DHX30: variants seen among roughly 807,000 people sequenced by gnomAD.
The protein encoded by DHX30 is DExH-box helicase 30, also known as ATP-dependent RNA helicase DHX30.
A neutral mutation model predicts 116.9 loss-of-function variants in DHX30; 4 were observed. The observed-to-expected ratio is 0.03, with a 90% CI of 0.02 to 0.08. DHX30 has a LOEUF of 0.08. Ranked by LOEUF, DHX30 falls within the 10% of genes least tolerant of loss-of-function variation. DHX30 has a pLI of 1.00. For missense variants in DHX30, 871 were observed against 1,595.1 expected, an observed-to-expected ratio of 0.55 and a Z score of 7.73; for synonymous variants, 697 against 651.7, an observed-to-expected ratio of 1.07 and a Z score of -1.06.
intron 8 of DHX30, chr3:47,842,765 G>T: frequency 4.7e-6 from 1 of 213,564 alleles, no homozygotes. Flanking sequence ...TGCTCCCGCA[G>T]GATGTGCCTG....
chr3:47,811,213 C>G (rs1445994709), intron 3 of DHX30, among the ~76,000 whole-genome samples: 1 of 152,026 alleles, frequency 6.6e-6, no homozygotes, highest in Non-Finnish European at 1.5e-5. Flanking sequence ...CTCGGCCTCC[C>G]AAAGTGCTGG....
At chr3:47,819,094 A>G in intron 4 of DHX30, 1 of 620,906 alleles carries the variant, frequency 1.6e-6, no homozygotes, top group Non-Finnish European at 2.6e-6. Flanking sequence ...CTGACTACTG[A>G]CAGCAGGATA....
chr3:47,816,889 C>A (rs767305607), intron 3 of DHX30: 21 of 981,780 alleles, frequency 2.1e-5, no homozygotes, highest in South Asian at 4.7e-5. Context: ...CACCTTGATT[C>A]TCTATAGGTA....
chr3:47,838,651 G>A (rs906948143), intron 6 of DHX30, among the ~76,000 whole-genome samples: 7 of 152,168 alleles, frequency 4.6e-5, no homozygotes, highest in South Asian at 2.1e-4. Context: ...CCCGTGGCCC[G>A]TGCTGTCTGC....
intron 6 of DHX30, among the ~76,000 whole-genome samples, chr3:47,836,838 C>T (rs753262341): frequency 1.1e-4 from 17 of 152,084 alleles, no homozygotes; most frequent in African/African-American, 2.2e-4. Context: ...TTGATCATAG[C>T]GATCCTAATG....
chr3:47,817,080 C>T (rs1576470148), intron 3 of DHX30: 1 of 467,988 alleles, frequency 2.1e-6, no homozygotes, highest in Non-Finnish European at 2.8e-6. Context: ...ATTTGCATTC[C>T]ACAAATGAAC....
At chr3:47,810,995 G>C (rs2035763946) in intron 3 of DHX30, among the ~76,000 whole-genome samples, 1 of 151,972 alleles carries the variant, frequency 6.6e-6, no homozygotes, top group Non-Finnish European at 1.5e-5. Flanking sequence ...TGTCGCCCAG[G>C]CTGGAGTGCA....
In DHX30 at chr3:47,847,240, G is replaced by C. The variant is rs763614155; in HGVS notation, c.1930-33G>C. ...CCTTGGCATGACCCCTTACCCCGGGGCTGTGACTGTGGCCTCTCTTCCCCC... is the reference window on the plus strand; with the variant it reads ...CCTTGGCATGACCCCTTACCCCGGGCCTGTGACTGTGGCCTCTCTTCCCCC... On this transcript the variant is annotated intron_variant, in intron 11 of 21. Coordinates refer to ENST00000445061, the MANE Select transcript of DHX30 (RefSeq NM_138615.3). The surrounding 1 kb of genome is among the most constrained non-coding windows in gnomAD (Gnocchi z 5.5). The C allele has an allele frequency of 6.2e-6, 10 of 1,613,772 alleles. No individual in the cohort carries two copies. Among genetic ancestry groups the C allele is most frequent in the Non-Finnish European group, 8.5e-6 (10 of 1,179,774 alleles).
chr3:47,838,569 G>T (rs1220351925), intron 6 of DHX30, among the ~76,000 whole-genome samples: 2 of 152,118 alleles, frequency 1.3e-5, no homozygotes, highest in African/African-American at 2.4e-5. Flanking sequence ...TTTTATGAAG[G>T]CAGGCCATGG....
chr3:47,847,345 C>A lies in DHX30; in HGVS notation c.2002C>A (p.Pro668Thr), dbSNP rs2037660443. Residue 668 changes from proline (P) to threonine (T), a missense_variant, in exon 12 of 22, where the codon CCA becomes ACA. Pro to Thr is a conservative substitution (Grantham distance 38). Around this residue, in one of 13 missense-constraint regions of DHX30, gnomAD observed 2 missense variants for 17.0 expected, o/e 0.12. Coordinates refer to ENST00000445061, the MANE Select transcript of DHX30 (RefSeq NM_138615.3). This position sits in a 1 kb window ranked among gnomAD's most constrained non-coding sequence, Gnocchi z 5.5. ...TCTGCACATCGATGCTCGCGGGGAACCAGGTGGGTGCCTCCCCATCTGTCC... is the reference window on the plus strand; with the variant it reads ...TCTGCACATCGATGCTCGCGGGGAAACAGGTGGGTGCCTCCCCATCTGTCC... ...LVLHIDARGEPGGILCFLPGW... is the reference protein window; with the variant it reads ...LVLHIDARGETGGILCFLPGW... 6.2e-7 allele frequency: 1 copy of A among 1,614,098 alleles called. No individual in the cohort carries two copies. Among genetic ancestry groups the A allele is most frequent in the African/African-American group, 1.3e-5 (1 of 74,942 alleles).
rs1369246519 is a variant in DHX30, at chr3:47,816,964, A to G, written c.29-1058A>G. The G allele has an allele frequency of 3.0e-6, 3 of 984,782 alleles. No homozygotes were observed. In the African/African-American group the frequency reaches 5.2e-5, roughly 17 times the overall value. 61.0% of individuals were successfully genotyped at this position (984,782 alleles called of 1,614,324 possible). On this transcript the variant is annotated intron_variant, in intron 3 of 21. Transcript: ENST00000445061. ...GGCTTTTTCTTTCCTGCTGAAGATT[A>G]TAATTCTACTCCTGCTTTTTCAGCT...
At position 47,835,147 on chromosome 3, in the gene DHX30, G is replaced by C. The variant is rs1344457856; in HGVS notation, c.367-5730G>C. Among the ~76,000 whole-genome samples the C allele has an allele frequency of 5.3e-5, 8 of 151,354 alleles. No homozygotes were observed. The East Asian group carries it at 1.4e-3, about 26-fold the overall frequency. ...GCCTCCCGAGTGCCTGGGATTACAG[G>C]CATGTGCCATCATGCCTGGCTAATT... is the stretch of plus-strand genomic sequence containing the variant. On this transcript the variant is annotated intron_variant, in intron 6 of 21. Coordinates refer to ENST00000445061, the MANE Select transcript of DHX30 (RefSeq NM_138615.3).
chr3:47,827,200 CTCTTT>C (rs2036590627), intron 4 of DHX30, 142 bp from the exon 5 acceptor site: 3 of 719,016 alleles, frequency 4.2e-6, no homozygotes, highest in East Asian at 3.3e-5. Flanking sequence ...GAAGTCATTC[CTCTTT>C]TCTTTTCCAA....
chr3:47,819,340 G>T, intron 4 of DHX30: 2 of 1,282,178 alleles, frequency 1.6e-6, no homozygotes, highest in East Asian at 4.6e-5. Flanking sequence ...CAGGCAGTTG[G>T]CTAGGCAGTG....
chr3:47,817,631 G>T (rs1037467224), intron 3 of DHX30, among the ~76,000 whole-genome samples: 1 of 152,174 alleles, frequency 6.6e-6, no homozygotes, highest in African/African-American at 2.4e-5. Flanking sequence ...AAAGGCGTAG[G>T]TAGCTACCAT....
chr3:47,829,356 T>C (rs78986334), intron 6 of DHX30, among the ~76,000 whole-genome samples: 9 of 144,496 alleles, frequency 6.2e-5, no homozygotes, highest in African/African-American at 1.8e-4. Flanking sequence ...TTTTTTTTTT[T>C]CCTTTGAGTC....
intron 2 of DHX30, 29 bp downstream of exon 2, chr3:47,805,449 G>A (rs998084438): frequency 2.3e-5 from 9 of 398,942 alleles, no homozygotes; most frequent in African/African-American, 1.6e-4. Flanking sequence ...GCACAGAGCA[G>A]TGGTGGATCT....
chr3:47,817,990 A>T (rs751368238), intron 3 of DHX30, 32 bp from the exon 4 acceptor site: 1 of 780,982 alleles, frequency 1.3e-6, no homozygotes, highest in East Asian at 2.4e-5. Flanking sequence ...GGGTGAGAAC[A>T]TGTCGCCCTG....
chr3:47,803,340 G>T (rs1220746707), intron 1 of DHX30, 128 bp downstream of exon 1: 4 of 378,416 alleles, frequency 1.1e-5, no homozygotes, highest in Non-Finnish European at 1.9e-5. Context: ...GGAGACGCCG[G>T]CGGGCCCGAG....
Sources: gnomAD v4.1 joint callset for allele counts (sites outside exome capture counted in the v4.1 genomes callset) on GRCh38, gnomAD v4.1.1 for gene constraint, gnomAD v4.1.1 regional missense constraint, Gnocchi (gnomAD v3.1) non-coding constraint, MANE v1.5 for transcripts, NCBI Gene and HGNC (gene_info 2026-07-23, HGNC 2026-07-21) for gene names.